Variants in CDH18 observed in about 807,000 individuals in gnomAD.
CDH18 encodes cadherin 18.
CDH18 carries 31 observed loss-of-function variants against 67.9 expected under a neutral mutation model. The ratio of observed to expected loss-of-function variants is 0.46; its 90% CI spans 0.34 to 0.62. The LOEUF is 0.62. Among genes scored for constraint, CDH18 ranks in the 20% least tolerant of loss-of-function variants. The pLI, the probability that CDH18 is intolerant of heterozygous loss-of-function variation, is 0.01. For synonymous variants in CDH18, 362 were observed against 347.2 expected (o/e 1.04, Z -0.48); for missense variants, 890 against 975.5 (o/e 0.91, Z 1.17).
chr5:19,735,827 GTTCA>G (rs761892355), intron 4 of CDH18, among the ~76,000 whole-genome samples: 146 of 152,252 alleles, frequency 9.6e-4, no homozygotes, highest in Non-Finnish European at 1.4e-3. Flanking sequence ...CTCTATCTCT[GTTCA>G]TTCAAAGGGC....
intron 1 of CDH18, among the ~76,000 whole-genome samples, chr5:20,370,905 C>T (rs1469737483): frequency 6.6e-6 from 1 of 151,948 alleles, no homozygotes; most frequent in Non-Finnish European, 1.5e-5. Context: ...GGTGTGGTGG[C>T]AGGCATCTGT....
At chr5:19,995,962 C>G (rs546333359) in intron 2 of CDH18, among the ~76,000 whole-genome samples, 462 of 151,988 alleles carry the variant, frequency 3.0e-3, no homozygotes, top group Non-Finnish European at 5.5e-3. Flanking sequence ...TCTTAACCAC[C>G]AAAGAAATAT....
chr5:20,120,754 C>T (rs1748286056), intron 2 of CDH18, among the ~76,000 whole-genome samples: 1 of 152,106 alleles, frequency 6.6e-6, no homozygotes, highest in African/African-American at 2.4e-5. Flanking sequence ...ATTAGATCAG[C>T]TGTAGCCAAT....
At chr5:20,284,787 A>G (rs1746558318) in intron 1 of CDH18, among the ~76,000 whole-genome samples, 1 of 151,888 alleles carries the variant, frequency 6.6e-6, no homozygotes, top group Non-Finnish European at 1.5e-5. Context: ...ATTATTATAG[A>G]ATATTTTATA....
At position 20,095,507 on chromosome 5, in the gene CDH18, G is replaced by GGA. The variant is rs1561786488; in HGVS notation, c.-517-103494_-517-103493insTC. ...AGAGAGAGGGAGGGAGGGAGGGAGG[G>GGA]AGGATGGAAGGAAGGAAGGAAGGAA... is the stretch of plus-strand genomic sequence containing the variant. On this transcript the variant is annotated intron_variant, in intron 2 of 14. Coordinates refer to the CDH18 transcript ENST00000507958. Among the ~76,000 whole-genome samples, 4 of 100,388 alleles carry GGA rather than the reference G, an allele frequency of 4.0e-5. No individual in the cohort carries two copies. In the East Asian group the frequency reaches 1.4e-3, roughly 35 times the overall value. 65.9% of individuals were successfully genotyped at this position (100,388 alleles called of 152,430 possible).
rs1749125641 is a variant in CDH18, at chr5:19,612,423, C to A, written c.811+11G>T. Reference sequence around the variant, plus strand: ...AATGATAAATTCAAATCATGGAAAACAAATACGTACTTTGAGGAAAGCGTG... The same window carrying A: ...AATGATAAATTCAAATCATGGAAAAAAAATACGTACTTTGAGGAAAGCGTG... On this transcript the variant is annotated intron_variant, in intron 6 of 12. Coordinates refer to ENST00000382275, the MANE Select transcript of CDH18 (RefSeq NM_004934.5). 1.2e-6 allele frequency: 2 copies of A among 1,612,682 alleles called. No individual in the cohort carries two copies. Among genetic ancestry groups the A allele is most frequent in the East Asian group, 2.2e-5 (1 of 44,836 alleles).
intron 2 of CDH18, among the ~76,000 whole-genome samples, chr5:19,849,637 CACGCATATATATATAAACATATATATAT>C (rs1783432041): frequency 3.7e-5 from 1 of 27,218 alleles, no homozygotes; most frequent in South Asian, 2.0e-3. Context: ...CATATATATA[CACGCATATATATATAAACATATATATAT>C]ACACGCATAT....
intron 3 of CDH18, among the ~76,000 whole-genome samples, chr5:19,778,522 A>C (rs528242268): frequency 6.6e-6 from 1 of 152,160 alleles, no homozygotes; most frequent in Non-Finnish European, 1.5e-5. Context: ...CAAGATGAAA[A>C]ATGATTTTAT....
intron 2 of CDH18, among the ~76,000 whole-genome samples, chr5:20,199,098 C>A (rs1395574755): frequency 6.6e-6 from 1 of 152,182 alleles, no homozygotes. Context: ...TGAAGCCACA[C>A]AGAGTTCCCA....
At chr5:20,208,318 C>T (rs556011311) in intron 2 of CDH18, among the ~76,000 whole-genome samples, 1 of 152,088 alleles carries the variant, frequency 6.6e-6, no homozygotes, top group Non-Finnish European at 1.5e-5. Context: ...GGGAAACTGC[C>T]CCCTTGATTC....
At chr5:20,536,190 A>C (rs1033921995) in intron 1 of CDH18, among the ~76,000 whole-genome samples, 4 of 152,174 alleles carry the variant, frequency 2.6e-5, no homozygotes, top group African/African-American at 9.7e-5. Flanking sequence ...CATATCCTAT[A>C]ATATAATAAC....
intron 11 of CDH18, chr5:19,502,724 C>G: frequency 2.0e-6 from 1 of 488,474 alleles, no homozygotes; most frequent in East Asian, 3.2e-5. Flanking sequence ...AGTTTGTCAG[C>G]TAAGATTTCT....
intron 12 of CDH18, among the ~76,000 whole-genome samples, chr5:19,479,548 C>T (rs1000037060): frequency 6.6e-6 from 1 of 152,064 alleles, no homozygotes; most frequent in African/African-American, 2.4e-5. Context: ...TATATATTTT[C>T]ACTAATTTTA....
chr5:19,921,217 A>C (rs1561562263), intron 2 of CDH18, among the ~76,000 whole-genome samples: 1 of 152,080 alleles, frequency 6.6e-6, no homozygotes, highest in Non-Finnish European at 1.5e-5. Flanking sequence ...GATTATATAC[A>C]TTTCAAAAAA....
intron 6 of CDH18, among the ~76,000 whole-genome samples, chr5:19,594,149 G>T (rs931458682): frequency 6.6e-6 from 1 of 151,674 alleles, no homozygotes; most frequent in Non-Finnish European, 1.5e-5. Context: ...GCATTTTTTT[G>T]TTTGTTTGTT....
chr5:20,217,058 A>G (rs1027361187), intron 2 of CDH18, among the ~76,000 whole-genome samples: 1 of 151,876 alleles, frequency 6.6e-6, no homozygotes, highest in African/African-American at 2.4e-5. Flanking sequence ...TCCTTTAATC[A>G]TAAAGGAGAA....
At chr5:19,717,406 A>T (rs1765467423) in intron 5 of CDH18, among the ~76,000 whole-genome samples, 1 of 22,328 alleles carries the variant, frequency 4.5e-5, no homozygotes, top group South Asian at 8.6e-3. Context: ...TCCGTAAGGA[A>T]ATGGAAAGTT....
intron 2 of CDH18, among the ~76,000 whole-genome samples, chr5:20,083,750 C>T (rs971855396): frequency 2.0e-5 from 3 of 152,192 alleles, no homozygotes; most frequent in Non-Finnish European, 2.9e-5. Context: ...GAGCAAGTCA[C>T]GTCTTACATG....
At chr5:19,540,346 G>C (rs994786707) in intron 9 of CDH18, among the ~76,000 whole-genome samples, 3 of 152,112 alleles carry the variant, frequency 2.0e-5, no homozygotes, top group Non-Finnish European at 4.4e-5. Context: ...GGCTGGCATT[G>C]AGTGTCTGTG....
Sources: allele counts gnomAD v4.1 joint callset (sites outside exome capture counted in the v4.1 genomes callset), GRCh38; gene constraint gnomAD v4.1.1; transcripts MANE v1.5; gene names NCBI Gene and HGNC (gene_info 2026-07-23, HGNC 2026-07-21).